PDE12: variants seen among roughly 807,000 people sequenced by gnomAD.
PDE12 encodes phosphodiesterase 12.
PDE12 carries 26 observed loss-of-function variants against 45.4 expected under a neutral mutation model. The observed-to-expected ratio is 0.57, with a 90% CI of 0.42 to 0.79. PDE12 has a LOEUF of 0.79. PDE12 is among the 30% of genes least tolerant of loss of function. The pLI is 0.00. For synonymous variants in PDE12, 283 were observed against 323.9 expected, an observed-to-expected ratio of 0.87 and a Z score of 1.36; for missense variants, 668 against 790.0, an observed-to-expected ratio of 0.85 and a Z score of 1.85.
the PDE12 span, among the ~76,000 whole-genome samples, chr3:57,607,411 GAGA>G: frequency 5.9e-5 from 9 of 152,258 alleles, no homozygotes; most frequent in South Asian, 1.5e-3. Context: ...GATGAGTTGG[GAGA>G]AGAAGGCTTC....
the PDE12 span, among the ~76,000 whole-genome samples, chr3:57,600,554 A>G: frequency 4.6e-4 from 69 of 149,254 alleles, no homozygotes; most frequent in African/African-American, 1.7e-3. Context: ...ATATTCCACC[A>G]TGCCCAGCTA....
chr3:57,570,076 C>T (rs145856378), downstream of PDE12, among the ~76,000 whole-genome samples: 3 of 152,220 alleles, frequency 2.0e-5, no homozygotes, highest in African/African-American at 4.8e-5. Context: ...TAGGAAATGA[C>T]ACCTGTCTTC....
In PDE12 at chr3:57,560,663, G is replaced by C; in HGVS notation, c.*659G>C. ...TTTATAAGAGAATTTTTTTAGCTAG[G>C]AGTTCAGAATTTTTAAAGTACCATT... is the stretch of plus-strand genomic sequence containing the variant. On this transcript the variant is annotated 3_prime_UTR_variant, in exon 3 of 3. Coordinates refer to ENST00000311180, the MANE Select transcript of PDE12 (RefSeq NM_177966.7). 1 of 985,308 alleles carries C rather than the reference G, an allele frequency of 1.0e-6. No individual in the cohort carries two copies. The highest frequency in any genetic ancestry group is 1.2e-6 in the Non-Finnish European group (1 of 829,840). 61.0% of individuals were successfully genotyped at this position (985,308 alleles called of 1,614,324 possible). A position where few individuals can be genotyped will look rare whatever the true frequency, so the allele number is the denominator to read the frequency against.
Position 57,560,808 on chromosome 3 carries a change from G to C in PDE12, c.*804G>C. On this transcript the variant is annotated 3_prime_UTR_variant, in exon 3 of 3. Transcript: ENST00000311180. ...GACTTAAGTTATAGGTGACCTTAGA[G>C]ACCTAAGGTGAGAGACTTGACACAT... is the stretch of plus-strand genomic sequence containing the variant. The C allele has an allele frequency of 1.0e-6, 1 of 984,296 alleles. No homozygotes were observed. Among genetic ancestry groups the C allele is most frequent in the Non-Finnish European group, 1.2e-6 (1 of 828,562 alleles). 61.0% of individuals were successfully genotyped at this position (984,296 alleles called of 1,614,324 possible). A position where few individuals can be genotyped will look rare whatever the true frequency, so the allele number is the denominator to read the frequency against.
At chr3:57,586,154 A>C in the PDE12 span, among the ~76,000 whole-genome samples, 1 of 152,176 alleles carries the variant, frequency 6.6e-6, no homozygotes, top group African/African-American at 2.4e-5. Flanking sequence ...AGCCCTCATA[A>C]ATGAAAGATC....
the PDE12 span, among the ~76,000 whole-genome samples, chr3:57,610,648 G>C: frequency 6.6e-6 from 1 of 151,996 alleles, no homozygotes; most frequent in Non-Finnish European, 1.5e-5. Context: ...GCTTCAAAGA[G>C]AATAAAATAC....
the PDE12 span, among the ~76,000 whole-genome samples, chr3:57,644,909 A>G: frequency 6.6e-6 from 1 of 151,692 alleles, no homozygotes; most frequent in East Asian, 2.0e-4. Flanking sequence ...GGCAAGAACA[A>G]ATTCAGTGAA....
the PDE12 span, among the ~76,000 whole-genome samples, chr3:57,615,189 G>A: frequency 5.3e-5 from 8 of 151,954 alleles, no homozygotes; most frequent in Admixed American, 2.6e-4. Flanking sequence ...CTAGGAAAAA[G>A]AACTGGAAGC....
chr3:57,576,504 CTTTTTTTTTTT>C, the PDE12 span, among the ~76,000 whole-genome samples: 1 of 101,616 alleles, frequency 9.8e-6, no homozygotes, highest in Admixed American at 1.1e-4. Flanking sequence ...CTCAACCAAG[CTTTTTTTTTTT>C]TTTTTTTTTT....
At chr3:57,591,449 C>G in the PDE12 span, among the ~76,000 whole-genome samples, 2 of 150,140 alleles carry the variant, frequency 1.3e-5, no homozygotes, top group African/African-American at 4.9e-5. Context: ...TATGAATGAA[C>G]TTTTTTCTTC....
the PDE12 span, among the ~76,000 whole-genome samples, chr3:57,638,556 G>C: frequency 6.6e-6 from 1 of 152,210 alleles, no homozygotes; most frequent in Admixed American, 6.5e-5. Flanking sequence ...GACTCGGGGA[G>C]CTAAGGCAGG....
chr3:57,597,770 C>T, the PDE12 span: 1 of 152,604 alleles, frequency 6.6e-6, no homozygotes, highest in Non-Finnish European at 1.5e-5. Context: ...ACCTCGCCCT[C>T]TTCTATTACG....
chr3:57,622,455 G>T, the PDE12 span, among the ~76,000 whole-genome samples: 1 of 152,180 alleles, frequency 6.6e-6, no homozygotes. Context: ...GGAACAGCTG[G>T]AACTTTCATA....
chr3:57,625,132 T>C, the PDE12 span, among the ~76,000 whole-genome samples: 10 of 152,182 alleles, frequency 6.6e-5, no homozygotes, highest in African/African-American at 2.4e-4. Flanking sequence ...CTTGAACTCC[T>C]GAGCTTAAAC....
chr3:57,577,772 G>T, the PDE12 span, among the ~76,000 whole-genome samples: 1 of 152,092 alleles, frequency 6.6e-6, no homozygotes, highest in Non-Finnish European at 1.5e-5. Flanking sequence ...GGCCAGGCAT[G>T]GTGGCTCATC....
the PDE12 span, among the ~76,000 whole-genome samples, chr3:57,578,894 G>C: frequency 2.0e-5 from 3 of 151,496 alleles, no homozygotes; most frequent in Admixed American, 6.6e-5. Context: ...TAGAAAAGGG[G>C]GGGGGCAAAA....
rs1432638288 is a variant in PDE12 at position 57,557,266 on chromosome 3, G to A, written c.887G>A (p.Arg296His). The A allele has an allele frequency of 1.2e-6, 2 of 1,613,902 alleles. No individual in the cohort carries two copies. Among genetic ancestry groups the A allele is most frequent in the South Asian group, 1.1e-5 (1 of 91,084 alleles). Reference sequence around the variant, plus strand: ...AAGGTGACTGAGGACGCTCTCATCCGCACTGTCTCTTACAACATCCTGGCA... The same window carrying A: ...AAGGTGACTGAGGACGCTCTCATCCACACTGTCTCTTACAACATCCTGGCA... ...TKKVTEDALI[R>H]TVSYNILADT... Residue 296 changes from arginine to histidine, a missense_variant, in exon 1 of 3, where the codon CGC (arginine) becomes CAC (histidine). Coordinates refer to ENST00000311180, the MANE Select transcript of PDE12 (RefSeq NM_177966.7).
At chr3:57,587,820 A>G in the PDE12 span, among the ~76,000 whole-genome samples, 1 of 152,232 alleles carries the variant, frequency 6.6e-6, no homozygotes, top group Admixed American at 6.5e-5. Context: ...AATATAAATT[A>G]CAAGACAACA....
chr3:57,605,541 G>C, the PDE12 span, among the ~76,000 whole-genome samples: 41 of 151,978 alleles, frequency 2.7e-4, no homozygotes, highest in African/African-American at 9.7e-4. Flanking sequence ...TACTACTCTG[G>C]ACCTACCTAA....
Sources: gnomAD v4.1 joint callset for allele counts (sites outside exome capture counted in the v4.1 genomes callset) on GRCh38, gnomAD v4.1.1 for gene constraint, MANE v1.5 for transcripts, NCBI Gene and HGNC (gene_info 2026-07-23, HGNC 2026-07-21) for gene names.